LMBRD1: variants seen among roughly 807,000 people sequenced by gnomAD.
LMBRD1 encodes the protein lysosomal cobalamin transport escort protein LMBD1.
Under a neutral mutation model 74.8 loss-of-function variants are expected in LMBRD1, and 64 were observed. That is an observed-to-expected ratio of 0.86 (90% CI 0.70 to 1.05). The LOEUF is 1.05. Ranked by LOEUF, LMBRD1 falls within the 50% of genes least tolerant of loss-of-function variation. The pLI is 0.00. For missense variants in LMBRD1, 652 were observed against 645.9 expected (o/e 1.01, Z -0.10); for synonymous variants, 204 against 216.3 (o/e 0.94, Z 0.50).
At chr6:69,733,441 A>C (rs1766905494) in intron 7 of LMBRD1, among the ~76,000 whole-genome samples, 1 of 152,132 alleles carries the variant, frequency 6.6e-6, no homozygotes, top group African/African-American at 2.4e-5. Context: ...CATATCTATA[A>C]ATTGTTGGTT....
intron 7 of LMBRD1, among the ~76,000 whole-genome samples, chr6:69,733,760 T>C (rs556263900): frequency 2.6e-5 from 4 of 152,280 alleles, no homozygotes; most frequent in South Asian, 4.1e-4. Context: ...CTAACCACCA[T>C]TCAATTATGA....
Position 69,708,535 on chromosome 6 carries a change from G to C in LMBRD1, c.915+5110C>G, listed in dbSNP as rs991824030. On this transcript the variant is annotated intron_variant, in intron 9 of 15. Transcript: ENST00000649934. Reference sequence around the variant, plus strand: ...GAAGTTACAGAGTTGGTGAGGAGCAGAGCAAGGACTCAAACCCAGGATTAG... The same window carrying C: ...GAAGTTACAGAGTTGGTGAGGAGCACAGCAAGGACTCAAACCCAGGATTAG... Among the ~76,000 whole-genome samples the C allele has an allele frequency of 3.3e-5, 5 of 152,166 alleles. No homozygotes were observed. In the East Asian group the frequency reaches 9.7e-4, roughly 29 times the overall value.
rs73486025 is a variant in LMBRD1, at chr6:69,772,078, G to A, written c.307+8416C>T. On this transcript the variant is annotated intron_variant, in intron 3 of 15. Coordinates refer to ENST00000649934, the MANE Select transcript of LMBRD1 (RefSeq NM_018368.4). Reference sequence around the variant, plus strand: ...CTACTGTATGACAGATTAAAGGTCAGTTGCTTTAGAAATGTTAAATTTGAG... The same window carrying A: ...CTACTGTATGACAGATTAAAGGTCAATTGCTTTAGAAATGTTAAATTTGAG... Among the ~76,000 whole-genome samples, 767 of 152,312 alleles carry A rather than the reference G, an allele frequency of 5.0e-3. 5 individuals are homozygous for A. The highest frequency in any genetic ancestry group is 0.015 in the African/African-American group (606 of 41,564).
In LMBRD1 at chr6:69,779,094, G is replaced by A. The variant is rs541088247; in HGVS notation, c.307+1400C>T. On this transcript the variant is annotated intron_variant, in intron 3 of 15. Coordinates refer to ENST00000649934, the MANE Select transcript of LMBRD1 (RefSeq NM_018368.4). Reference sequence around the variant, plus strand: ...CCAGCTACTCGGGAGGCTGAGGCAGGAGAATCGCTTGAACCCATGAGGCGG... The same window carrying A: ...CCAGCTACTCGGGAGGCTGAGGCAGAAGAATCGCTTGAACCCATGAGGCGG... Among the ~76,000 whole-genome samples the A allele has an allele frequency of 4.8e-3, 722 of 150,516 alleles. 8 individuals carry two copies. The highest frequency in any genetic ancestry group is 0.017 in the Middle Eastern group (5 of 292).
At chr6:69,697,492 G>A (rs1400403900) in intron 14 of LMBRD1, 71 bp downstream of exon 14, 4 of 1,065,580 alleles carry the variant, frequency 3.8e-6, no homozygotes, top group Non-Finnish European at 5.8e-6. Flanking sequence ...TGCATCAAAT[G>A]ATTAACACAG....
intron 7 of LMBRD1, among the ~76,000 whole-genome samples, chr6:69,733,438 A>G (rs1210137348): frequency 1.3e-5 from 2 of 152,198 alleles, no homozygotes; most frequent in Non-Finnish European, 2.9e-5. Flanking sequence ...CCACATATCT[A>G]TAAATTGTTG....
At chr6:69,745,003 C>T (rs1179061071) in intron 5 of LMBRD1, among the ~76,000 whole-genome samples, 2 of 151,826 alleles carry the variant, frequency 1.3e-5, no homozygotes. Context: ...CCACTATGCC[C>T]AGCTAATTTT....
intron 7 of LMBRD1, among the ~76,000 whole-genome samples, chr6:69,724,781 C>G (rs940951068): frequency 1.1e-4 from 16 of 151,816 alleles, no homozygotes; most frequent in African/African-American, 3.9e-4. Flanking sequence ...TGGTGAAAAA[C>G]TGAAAGCCTT....
intron 5 of LMBRD1, among the ~76,000 whole-genome samples, chr6:69,743,503 T>C (rs528051837): frequency 5.9e-5 from 9 of 152,270 alleles, no homozygotes; most frequent in South Asian, 2.1e-4. Flanking sequence ...GGGAAACTTA[T>C]ATAATCAAAA....
rs146101903 is a variant in LMBRD1 at position 69,756,903 on chromosome 6, C to T, written c.308-4547G>A. The stretch of plus-strand genomic sequence containing the variant: ...TCAATTAGTAACATAGAGAACACAC[C>T]AAGGGCTAAGTTCCTAGGAGTTAGT... On this transcript the variant is annotated intron_variant, in intron 3 of 15. Transcript: ENST00000649934. 2.9e-3 allele frequency among the ~76,000 whole-genome samples: 441 copies of T among 152,298 alleles called. 2 individuals carry two copies. The highest frequency in any genetic ancestry group is 0.01 in the African/African-American group (416 of 41,554).
At chr6:69,685,139 CAT>C (rs3070236) in intron 14 of LMBRD1, among the ~76,000 whole-genome samples, 51,086 of 151,788 alleles carry the variant, frequency 0.34, 9,686 homozygotes, top group East Asian at 0.54. Flanking sequence ...AGAGCACACA[CAT>C]GTTTGGAGAT....
chr6:69,697,598 G>C lies in LMBRD1; in HGVS notation c.1382C>G (p.Ser461Cys), dbSNP rs781535724. ...SDNHKGNSTL[S>C]VPKRCDADAP... is the part of the protein sequence containing the mutation. ...ATCTGCATCACATCTCTTTGGCACA[G>C]AAAGGGTTGAATTGCCTTTATGATT... The change falls in exon 14 of 16, where the codon TCT (serine) becomes TGT (cysteine). Residue 461 changes from serine (S) to cysteine (C), a missense_variant. Around this residue, in one of 3 missense-constraint regions of LMBRD1, gnomAD observed 598 missense variants for 581.8 expected, o/e 1.03. Coordinates refer to ENST00000649934, the MANE Select transcript of LMBRD1 (RefSeq NM_018368.4). 19 of 1,606,824 alleles carry C rather than the reference G, an allele frequency of 1.2e-5. No homozygotes were observed. Among genetic ancestry groups the C allele is most frequent in the Admixed American group, 1.7e-5 (1 of 59,964 alleles).
intron 9 of LMBRD1, among the ~76,000 whole-genome samples, chr6:69,707,998 A>T (rs1766299136): frequency 6.6e-6 from 1 of 152,180 alleles, no homozygotes; most frequent in Non-Finnish European, 1.5e-5. Flanking sequence ...AAAAAAATCT[A>T]AAAAATATAT....
intron 5 of LMBRD1, among the ~76,000 whole-genome samples, chr6:69,743,853 G>T (rs530364106): frequency 2.6e-5 from 4 of 152,294 alleles, no homozygotes; most frequent in East Asian, 1.9e-4. Flanking sequence ...GGTAGGGGAA[G>T]AAGATCCAGA....
intron 13 of LMBRD1, 34 bp downstream of exon 13, chr6:69,699,009 A>T (rs150761694): frequency 3.4e-5 from 47 of 1,396,190 alleles, no homozygotes; most frequent in Non-Finnish European, 4.7e-5. Context: ...TCTTTAAAAT[A>T]TCAAAATAAT....
intron 1 of LMBRD1, among the ~76,000 whole-genome samples, chr6:69,794,976 T>TTCC (rs1281602856): frequency 2.0e-5 from 3 of 152,222 alleles, no homozygotes; most frequent in African/African-American, 7.2e-5. Flanking sequence ...GACATGAATC[T>TTCC]TCCACTTGTT....
At chr6:69,762,157 A>C (rs1262624984) in intron 3 of LMBRD1, among the ~76,000 whole-genome samples, 1 of 152,210 alleles carries the variant, frequency 6.6e-6, no homozygotes, top group South Asian at 2.1e-4. Context: ...CATTTTATTT[A>C]AACATTCACC....
intron 9 of LMBRD1, among the ~76,000 whole-genome samples, chr6:69,711,124 T>C (rs964184829): frequency 1.3e-5 from 2 of 151,932 alleles, no homozygotes; most frequent in African/African-American, 4.8e-5. Context: ...CACCGAACAA[T>C]AAAACTGAAT....
At position 69,764,273 on chromosome 6, in the gene LMBRD1, C is replaced by A. The variant is rs572050305; in HGVS notation, c.308-11917G>T. On this transcript the variant is annotated intron_variant, in intron 3 of 15. Transcript: ENST00000649934. ...CATGATGTTAGGGCCCCTGTGATGG[C>A]ATTAGTGTCCTTATAAGAAGAGAAA... Among the ~76,000 whole-genome samples, 6 of 152,172 alleles carry A rather than the reference C, an allele frequency of 3.9e-5. No homozygotes were observed. The East Asian group carries it at 1.2e-3, about 29-fold the overall frequency.
Sources: gnomAD v4.1 joint callset for allele counts (sites outside exome capture counted in the v4.1 genomes callset) on GRCh38, gnomAD v4.1.1 for gene constraint, gnomAD v4.1.1 regional missense constraint, MANE v1.5 for transcripts, NCBI Gene and HGNC (gene_info 2026-07-23, HGNC 2026-07-21) for gene names.